Variants in RALGAPA2 observed in about 807,000 individuals in gnomAD.
RALGAPA2 encodes the protein Ral GTPase activating protein catalytic subunit alpha 2, also known as ral GTPase-activating protein subunit alpha-2.
RALGAPA2 carries 139 observed loss-of-function variants against 230.4 expected under a neutral mutation model. The observed-to-expected ratio is 0.60, with a 90% CI of 0.53 to 0.69. The LOEUF (loss-of-function observed/expected upper bound fraction) is 0.69. Among genes scored for constraint, RALGAPA2 ranks in the 30% least tolerant of loss-of-function variants. The pLI is 0.00. For synonymous variants in RALGAPA2, 847 were observed against 837.8 expected, an observed-to-expected ratio of 1.01 and a Z score of -0.19; for missense variants, 2,163 against 2,276.0, an observed-to-expected ratio of 0.95 and a Z score of 1.01.
chr20:20,606,276 T>G (rs1207501751), intron 14 of RALGAPA2, among the ~76,000 whole-genome samples: 2 of 152,094 alleles, frequency 1.3e-5, no homozygotes, highest in Non-Finnish European at 2.9e-5. Context: ...ACTTCCACCT[T>G]CTGCCTGAGT....
intron 3 of RALGAPA2, among the ~76,000 whole-genome samples, chr20:20,670,291 A>G (rs1156293240): frequency 6.6e-6 from 1 of 152,198 alleles, no homozygotes; most frequent in African/African-American, 2.4e-5. Flanking sequence ...GAATACCAAC[A>G]CTCCTAAGTG....
At chr20:20,465,405 G>A (rs1218392102) in intron 37 of RALGAPA2, among the ~76,000 whole-genome samples, 1 of 152,196 alleles carries the variant, frequency 6.6e-6, no homozygotes, top group Non-Finnish European at 1.5e-5. Flanking sequence ...GGGTATAGCA[G>A]AGTGGCTGAG....
At chr20:20,471,324 T>C (rs1446248104) in intron 37 of RALGAPA2, 1 of 151,666 alleles carries the variant, frequency 6.6e-6, no homozygotes, top group Non-Finnish European at 1.5e-5. Context: ...AAGTATTTTA[T>C]AATGAGAAGT....
intron 24 of RALGAPA2, among the ~76,000 whole-genome samples, chr20:20,542,375 C>G (rs1057243980): frequency 6.6e-6 from 1 of 152,216 alleles, no homozygotes; most frequent in Admixed American, 6.5e-5. Flanking sequence ...CGTCAAGCTA[C>G]CATTGACTTT....
At chr20:20,629,198 G>T (rs758626141) in intron 10 of RALGAPA2, among the ~76,000 whole-genome samples, 165 bp downstream of exon 10, 21 of 152,082 alleles carry the variant, frequency 1.4e-4, no homozygotes, top group Non-Finnish European at 2.2e-4. Context: ...CAAATTAAAA[G>T]ATTAGAGGGA....
chr20:20,605,168 G>C lies in RALGAPA2; in HGVS notation c.2038+7C>G. On this transcript the variant is annotated splice_region_variant and intron_variant, in intron 15 of 39. Transcript: ENST00000202677. ...CATCTGGTGTTAACCTGGAAGAGTG[G>C]AAATACCTTTGCCTCGTTGCTTCTT... The C allele has an allele frequency of 6.3e-7, 1 of 1,586,786 alleles. No individual in the cohort carries two copies. Among genetic ancestry groups the C allele is most frequent in the Non-Finnish European group, 8.6e-7 (1 of 1,159,878 alleles).
At chr20:20,602,927 C>T (rs911636156) in intron 15 of RALGAPA2, among the ~76,000 whole-genome samples, 4 of 152,134 alleles carry the variant, frequency 2.6e-5, no homozygotes, top group African/African-American at 4.8e-5. Flanking sequence ...CTCTCCTCCT[C>T]TGGCCTGAAA....
rs1395779257 is a variant in RALGAPA2 at position 20,573,030 on chromosome 20, C to T, written c.2746G>A (p.Ala916Thr). 13 of 1,609,962 alleles carry T rather than the reference C, an allele frequency of 8.1e-6. 1 individual carries two copies. In the East Asian group the frequency reaches 1.6e-4, roughly 19 times the overall value. Residue 916 changes from alanine (A) to threonine (T), a missense_variant, in exon 21 of 40, where the codon GCC (alanine) becomes ACC (threonine). Coordinates refer to ENST00000202677, the MANE Select transcript of RALGAPA2 (RefSeq NM_020343.4). ...TGCCAACCAGTGAGGCTCCCCCCGG[C>T]GATTATACTACAGTCATCTGTGAGG... ...ECLTDDCSII[A>T]GGSLTGWHPD...
chr20:20,659,598 T>C (rs1346501229), intron 3 of RALGAPA2: 1 of 253,670 alleles, frequency 3.9e-6, no homozygotes. Context: ...TTTACATAAT[T>C]GGAGTTAATA....
intron 1 of RALGAPA2, among the ~76,000 whole-genome samples, chr20:20,682,406 C>T (rs970608311): frequency 2.6e-5 from 4 of 152,190 alleles, no homozygotes; most frequent in African/African-American, 9.7e-5. Context: ...TACACTTCAA[C>T]TCTAATGCAA....
chr20:20,546,646 C>A, intron 24 of RALGAPA2, 58 bp downstream of exon 24: 1 of 1,509,294 alleles, frequency 6.6e-7, no homozygotes, highest in Non-Finnish European at 8.8e-7. Flanking sequence ...AAATCTGAAC[C>A]TTGTTAGCGA....
chr20:20,520,805 A>G (rs1242033503), intron 31 of RALGAPA2, 112 bp downstream of exon 31: 8 of 917,274 alleles, frequency 8.7e-6, no homozygotes, highest in Non-Finnish European at 1.2e-5. Flanking sequence ...GACTCCAGGA[A>G]CTAGGATTTC....
intron 23 of RALGAPA2, among the ~76,000 whole-genome samples, chr20:20,550,942 C>T (rs1250673694): frequency 1.3e-5 from 2 of 152,258 alleles, no homozygotes; most frequent in East Asian, 3.9e-4. Flanking sequence ...TTTTGCTGAT[C>T]TACAGAAAGA....
At chr20:20,683,895 C>A (rs2068608588) in intron 1 of RALGAPA2, among the ~76,000 whole-genome samples, 1 of 152,182 alleles carries the variant, frequency 6.6e-6, no homozygotes, top group African/African-American at 2.4e-5. Flanking sequence ...TAATCTATAA[C>A]CAGATGGACC....
At chr20:20,564,832 T>A (rs949472340) in intron 23 of RALGAPA2, among the ~76,000 whole-genome samples, 1 of 152,238 alleles carries the variant, frequency 6.6e-6, no homozygotes, top group Non-Finnish European at 1.5e-5. Flanking sequence ...CCATCTTATA[T>A]CCTGAATTCT....
rs931209677 is a variant in RALGAPA2 at position 20,398,280 on chromosome 20, C to T, written c.5618-1546G>A. ...TGGTTATGCTGTGCGTACAGGCACCCGATTGGTAGAAACCAAGAAAGCAGA... is the reference window on the plus strand; with the variant it reads ...TGGTTATGCTGTGCGTACAGGCACCTGATTGGTAGAAACCAAGAAAGCAGA... On this transcript the variant is annotated intron_variant, in intron 38 of 39. Coordinates refer to ENST00000202677, the MANE Select transcript of RALGAPA2 (RefSeq NM_020343.4). The surrounding 1 kb of genome is among the most constrained non-coding windows in gnomAD (Gnocchi z 4.5). Among the ~76,000 whole-genome samples, 5 of 152,148 alleles carry T rather than the reference C, an allele frequency of 3.3e-5. No homozygotes were observed. The highest frequency in any genetic ancestry group is 1.3e-4 in the Admixed American group (2 of 15,276).
At chr20:20,635,675 C>A in intron 8 of RALGAPA2, 58 bp from the exon 9 acceptor site, 7 of 1,372,110 alleles carry the variant, frequency 5.1e-6, no homozygotes, top group Non-Finnish European at 6.9e-6. Context: ...ATTAAGTAAT[C>A]CCTACAAATG....
At chr20:20,607,656 T>C (rs987416994) in intron 14 of RALGAPA2, among the ~76,000 whole-genome samples, 1 of 152,168 alleles carries the variant, frequency 6.6e-6, no homozygotes, top group Non-Finnish European at 1.5e-5. Context: ...AGACTGATAA[T>C]GTTATTAGGA....
intron 27 of RALGAPA2, among the ~76,000 whole-genome samples, chr20:20,529,648 T>C (rs2063318122): frequency 1.3e-5 from 2 of 152,226 alleles, no homozygotes; most frequent in South Asian, 4.1e-4. Context: ...ATTCAGTTCC[T>C]ACAGTATTTA....
Sources: gnomAD v4.1 joint callset for allele counts (sites outside exome capture counted in the v4.1 genomes callset) on GRCh38, gnomAD v4.1.1 for gene constraint, Gnocchi (gnomAD v3.1) non-coding constraint, MANE v1.5 for transcripts, NCBI Gene and HGNC (gene_info 2026-07-23, HGNC 2026-07-21) for gene names.